The following HIPK2 variants were observed in gnomAD, a reference collection of about 807,000 sequenced individuals.
The protein encoded by HIPK2 is homeodomain interacting protein kinase 2.
A neutral mutation model predicts 113.7 loss-of-function variants in HIPK2; 27 were observed. The observed-to-expected ratio is 0.24, with a 90% CI of 0.17 to 0.33. The LOEUF (loss-of-function observed/expected upper bound fraction) is 0.33, where lower values mean the gene tolerates loss of function less well. Ranked by LOEUF, HIPK2 falls within the 10% of genes least tolerant of loss-of-function variation. The pLI is 1.00. For missense variants in HIPK2, 1,257 were observed against 1,588.0 expected (o/e 0.79, Z 3.54); for synonymous variants, 631 against 642.2 (o/e 0.98, Z 0.26).
intron 2 of HIPK2, among the ~76,000 whole-genome samples, chr7:139,706,635 T>G (rs939686203): frequency 1.3e-5 from 2 of 152,102 alleles, no homozygotes; most frequent in Non-Finnish European, 2.9e-5. Context: ...TTTCAGCCCC[T>G]CCCCTGCTCT....
At chr7:139,656,179 A>C (rs536453153) in intron 2 of HIPK2, among the ~76,000 whole-genome samples, 1 of 152,040 alleles carries the variant, frequency 6.6e-6, no homozygotes, top group African/African-American at 2.4e-5. Context: ...GGCATCTACC[A>C]CCAGGCAGAT....
At chr7:139,709,587 C>T (rs1795003296) in intron 2 of HIPK2, among the ~76,000 whole-genome samples, 1 of 152,190 alleles carries the variant, frequency 6.6e-6, no homozygotes. Context: ...AAAACTGCTC[C>T]CTGGCCACAG....
intron 1 of HIPK2, among the ~76,000 whole-genome samples, chr7:139,728,440 C>T (rs1163407345): frequency 6.6e-6 from 1 of 152,172 alleles, no homozygotes; most frequent in Non-Finnish European, 1.5e-5. Flanking sequence ...AGGGAAGGGT[C>T]TGTTCTAGGC....
At chr7:139,730,353 A>AT (rs1199548955) in intron 1 of HIPK2, among the ~76,000 whole-genome samples, 1 of 149,114 alleles carries the variant, frequency 6.7e-6, no homozygotes. Context: ...TGTCACTGCA[A>AT]TTTTTTCTCT....
At chr7:139,658,306 C>CAA (rs56399449) in intron 2 of HIPK2, among the ~76,000 whole-genome samples, 4,201 of 137,584 alleles carry the variant, frequency 0.031, 67 homozygotes, top group Middle Eastern at 0.05. Flanking sequence ...AACTTGGTCT[C>CAA]AAAAAAAAAA....
At chr7:139,658,693 G>A (rs1000383707) in intron 2 of HIPK2, among the ~76,000 whole-genome samples, 1 of 152,194 alleles carries the variant, frequency 6.6e-6, no homozygotes, top group Admixed American at 6.5e-5. Flanking sequence ...GGGAGGTGCT[G>A]TGAAGGTGGG....
At chr7:139,603,321 A>C (rs1799504251) in intron 10 of HIPK2, among the ~76,000 whole-genome samples, 2 of 152,158 alleles carry the variant, frequency 1.3e-5, no homozygotes, top group Non-Finnish European at 2.9e-5. Flanking sequence ...GAGGGTTGCC[A>C]TCTGGCTCTG....
intron 12 of HIPK2, among the ~76,000 whole-genome samples, chr7:139,584,804 G>A (rs995296913): frequency 6.6e-6 from 1 of 152,190 alleles, no homozygotes; most frequent in Non-Finnish European, 1.5e-5. Flanking sequence ...AGATGGTATT[G>A]CACCGGGGCC....
intron 2 of HIPK2, among the ~76,000 whole-genome samples, chr7:139,634,204 G>C (rs1021968729): frequency 6.6e-6 from 1 of 152,104 alleles, no homozygotes; most frequent in South Asian, 2.1e-4. Context: ...CACACTTGCC[G>C]GTCTGGGCAG....
At chr7:139,633,095 C>CAA (rs942820284) in intron 2 of HIPK2, among the ~76,000 whole-genome samples, 2,245 of 74,122 alleles carry the variant, frequency 0.03, 71 homozygotes, top group Non-Finnish European at 0.044. Context: ...GACCCTGTCT[C>CAA]AAAAAAAAAA....
At chr7:139,647,671 T>C (rs1176800360) in intron 2 of HIPK2, among the ~76,000 whole-genome samples, 1 of 152,134 alleles carries the variant, frequency 6.6e-6, no homozygotes, top group African/African-American at 2.4e-5. Context: ...GAGATACTAT[T>C]TACCTACCTG....
chr7:139,571,327 TG>T lies in HIPK2; in HGVS notation c.*1599del. On this transcript the variant is annotated 3_prime_UTR_variant, in exon 15 of 15. Coordinates refer to ENST00000406875, the MANE Select transcript of HIPK2 (RefSeq NM_022740.5). ...AGGCTCTCGTGGAGGCGGGAGGGACTGGGGGATGCCGCCTGGGGCGGGAGAC... is the reference window on the plus strand; with the variant it reads ...AGGCTCTCGTGGAGGCGGGAGGGACTGGGGATGCCGCCTGGGGCGGGAGAC... 6.6e-6 allele frequency: 1 copy of T among 152,388 alleles called. No homozygotes were observed. The highest frequency in any genetic ancestry group is 1.5e-5 in the Non-Finnish European group (1 of 68,118). The allele number at this position is 152,388 out of a possible 1,614,324, so 9.4% of individuals were successfully genotyped here. A position where few individuals can be genotyped will look rare whatever the true frequency, so the allele number is the denominator to read the frequency against.
intron 2 of HIPK2, among the ~76,000 whole-genome samples, chr7:139,695,047 C>T (rs1019579243): frequency 5.3e-5 from 8 of 152,196 alleles, no homozygotes; most frequent in Admixed American, 2.0e-4. Flanking sequence ...TGCTCCTAAA[C>T]GTGCTCTTGC....
chr7:139,706,919 G>A (rs1049694004), intron 2 of HIPK2, among the ~76,000 whole-genome samples: 7 of 152,210 alleles, frequency 4.6e-5, no homozygotes, highest in African/African-American at 1.2e-4. Flanking sequence ...ACCTTGCATC[G>A]CTTTGCTTTT....
chr7:139,589,006 G>A (rs1299293322), intron 12 of HIPK2, among the ~76,000 whole-genome samples: 1 of 152,176 alleles, frequency 6.6e-6, no homozygotes, highest in East Asian at 1.9e-4. Context: ...ATGAAACGCA[G>A]ACATGTTCTG....
intron 2 of HIPK2, among the ~76,000 whole-genome samples, chr7:139,692,785 A>G (rs1465803632): frequency 6.6e-6 from 1 of 152,232 alleles, no homozygotes; most frequent in Non-Finnish European, 1.5e-5. Flanking sequence ...GGTGGAGCAT[A>G]TGCAGATTCT....
chr7:139,613,368 G>A lies in HIPK2; in HGVS notation c.1991-45C>T. 6.2e-7 allele frequency: 1 copy of A among 1,603,758 alleles called. No homozygotes were observed. The highest frequency in any genetic ancestry group is 8.5e-7 in the Non-Finnish European group (1 of 1,174,818). The stretch of plus-strand genomic sequence containing the variant: ...GGAGAGAAGGGTTAGCTGAGACGCT[G>A]TGAACAGCTGGATGAAAAGAACCTT... On this transcript the variant is annotated intron_variant, in intron 8 of 14. Transcript: ENST00000406875. This position sits in a 1 kb window ranked among gnomAD's most constrained non-coding sequence, Gnocchi z 4.2.
chr7:139,652,630 A>G (rs532856430), intron 2 of HIPK2, among the ~76,000 whole-genome samples: 2 of 152,240 alleles, frequency 1.3e-5, no homozygotes, highest in Non-Finnish European at 2.9e-5. Flanking sequence ...CACTAATTAG[A>G]GAGTGAACAA....
chr7:139,676,731 C>T (rs1261953668), intron 2 of HIPK2, among the ~76,000 whole-genome samples: 1 of 152,168 alleles, frequency 6.6e-6, no homozygotes, highest in Non-Finnish European at 1.5e-5. Context: ...GAAGGTACCC[C>T]ACACAGTTCC....
Sources: allele counts gnomAD v4.1 joint callset (sites outside exome capture counted in the v4.1 genomes callset), GRCh38; gene constraint gnomAD v4.1.1; non-coding constraint Gnocchi (gnomAD v3.1); transcripts MANE v1.5; gene names NCBI Gene and HGNC (gene_info 2026-07-23, HGNC 2026-07-21).